Variants in TSNARE1 observed in about 807,000 individuals in gnomAD.
The protein encoded by TSNARE1 is t-SNARE domain-containing protein 1.
In TSNARE1, 49 loss-of-function variants were observed where a neutral mutation model predicts 62.0. The ratio of observed to expected loss-of-function variants is 0.79; its 90% CI spans 0.63 to 1.00. The LOEUF is 1.00. Among genes scored for constraint, TSNARE1 ranks in the 50% least tolerant of loss-of-function variants. The pLI is 0.00. For synonymous variants in TSNARE1, 328 were observed against 294.4 expected (o/e 1.11, Z -1.17); for missense variants, 755 against 700.1 (o/e 1.08, Z -0.88).
Position 142,344,115 on chromosome 8 carries a change from A to T in TSNARE1, c.596T>A (p.Leu199Gln), listed in dbSNP as rs373430388. ...ATGGGCCGCCTTCCGGAGGTCGCCC[A>T]GCTTGCGCCGCACGACGGCTCGTAG... ...RDLRAVVRRK[L>Q]GDLRKAAHGP... Residue 199 changes from leucine (L) to glutamine (Q), a missense_variant, in exon 4 of 14, where the codon CTG becomes CAG. Coordinates refer to ENST00000524325, the MANE Select transcript of TSNARE1 (RefSeq NM_145003.5). 2.1e-5 allele frequency: 34 copies of T among 1,611,704 alleles called. No homozygotes were observed. Among genetic ancestry groups the T allele is most frequent in the African/African-American group, 2.7e-5 (2 of 74,888 alleles).
intron 12 of TSNARE1, among the ~76,000 whole-genome samples, chr8:142,242,324 T>C (rs1237042474): frequency 2.6e-5 from 4 of 152,160 alleles, no homozygotes; most frequent in African/African-American, 2.4e-5. Flanking sequence ...GAAGAAAACA[T>C]AGGGAGAACT....
chr8:142,276,710 T>C (rs1449430643), intron 11 of TSNARE1: 22 of 985,286 alleles, frequency 2.2e-5, no homozygotes, highest in Non-Finnish European at 2.3e-5. Context: ...CACCTAGCCC[T>C]GGCCCTGGGG....
chr8:142,244,925 G>C (rs995362002), intron 12 of TSNARE1, among the ~76,000 whole-genome samples: 1 of 152,230 alleles, frequency 6.6e-6, no homozygotes, highest in African/African-American at 2.4e-5. Context: ...CTCAGAGAGT[G>C]TTGGCTTTGA....
chr8:142,305,521 C>T (rs959658637), intron 9 of TSNARE1, among the ~76,000 whole-genome samples: 10 of 152,242 alleles, frequency 6.6e-5, no homozygotes, highest in African/African-American at 1.9e-4. Context: ...CGCAGGTGCT[C>T]GGTCTCCCTC....
chr8:142,322,285 A>C (rs980946519), intron 6 of TSNARE1, among the ~76,000 whole-genome samples: 1 of 152,218 alleles, frequency 6.6e-6, no homozygotes, highest in Non-Finnish European at 1.5e-5. Flanking sequence ...TGATACAGAG[A>C]GGCTGTTAAA....
chr8:142,343,815 GGA>G, intron 4 of TSNARE1, 149 bp downstream of exon 4: 1 of 478,490 alleles, frequency 2.1e-6, no homozygotes, highest in Non-Finnish European at 3.3e-6. Context: ...GAGGAGGAGG[GGA>G]GAGGAGGAGG....
At chr8:142,351,293 T>TG (rs1432880579) in intron 2 of TSNARE1, among the ~76,000 whole-genome samples, 2 of 152,236 alleles carry the variant, frequency 1.3e-5, no homozygotes, top group East Asian at 3.8e-4. Context: ...ATCTGGACTT[T>TG]GTTCTTAGAA....
chr8:142,215,363 A>T (rs965351614), intron 13 of TSNARE1, among the ~76,000 whole-genome samples: 2 of 152,134 alleles, frequency 1.3e-5, no homozygotes, highest in African/African-American at 2.4e-5. Context: ...GTGTCAGTGG[A>T]CAGGGTCTAA....
intron 1 of TSNARE1, among the ~76,000 whole-genome samples, chr8:142,361,893 AC>A (rs1835191955): frequency 6.6e-6 from 1 of 152,190 alleles, no homozygotes; most frequent in African/African-American, 2.4e-5. Context: ...GCCGCGCCCC[AC>A]CACAGGGAGA....
intron 12 of TSNARE1, among the ~76,000 whole-genome samples, chr8:142,254,692 G>A (rs1262961002): frequency 2.0e-5 from 3 of 152,196 alleles, no homozygotes; most frequent in East Asian, 1.9e-4. Flanking sequence ...GCCTGGACTC[G>A]AACCCTGGCC....
intron 10 of TSNARE1, among the ~76,000 whole-genome samples, chr8:142,290,574 C>T (rs1421077918): frequency 6.6e-6 from 1 of 152,232 alleles, no homozygotes; most frequent in East Asian, 1.9e-4. Context: ...CTCTATCACA[C>T]CATCTCTTCT....
intron 11 of TSNARE1, chr8:142,278,777 A>G: frequency 1.0e-6 from 1 of 985,394 alleles, no homozygotes; most frequent in South Asian, 4.7e-5. Context: ...GTCACCGGAC[A>G]GCACCACGTG....
chr8:142,295,820 A>G (rs566016756), intron 10 of TSNARE1, among the ~76,000 whole-genome samples: 1 of 151,328 alleles, frequency 6.6e-6, no homozygotes, highest in East Asian at 2.0e-4. Context: ...CTGCACCTCC[A>G]ACCCCCTGCA....
chr8:142,282,027 C>T (rs961848379), intron 11 of TSNARE1, among the ~76,000 whole-genome samples: 8 of 152,220 alleles, frequency 5.3e-5, no homozygotes, highest in Non-Finnish European at 1.2e-4. Flanking sequence ...TAAGGTAGGA[C>T]CTGACTCTAG....
chr8:142,349,155 G>A (rs866082502), intron 2 of TSNARE1, among the ~76,000 whole-genome samples: 6 of 152,180 alleles, frequency 3.9e-5, no homozygotes, highest in African/African-American at 7.2e-5. Flanking sequence ...TCAACAAACC[G>A]GGACAACACT....
intron 9 of TSNARE1, 122 bp from the exon 10 acceptor site, chr8:142,300,766 C>T (rs900002917): frequency 1.8e-5 from 23 of 1,281,618 alleles, no homozygotes; most frequent in South Asian, 4.4e-5. Context: ...TCTGAGGGGA[C>T]GATCTGGGTC....
At chr8:142,251,449 G>A (rs539471081) in intron 12 of TSNARE1, among the ~76,000 whole-genome samples, 163 of 151,246 alleles carry the variant, frequency 1.1e-3, no homozygotes, top group African/African-American at 3.5e-3. Context: ...GCAGCATCCC[G>A]ACACCTCCCA....
At chr8:142,357,580 C>A in intron 1 of TSNARE1, among the ~76,000 whole-genome samples, 1 of 152,100 alleles carries the variant, frequency 6.6e-6, no homozygotes, top group East Asian at 1.9e-4. Context: ...GGGATTGGCA[C>A]GGAACCCAGG....
intron 1 of TSNARE1, among the ~76,000 whole-genome samples, chr8:142,356,886 G>A (rs1834783392): frequency 6.6e-6 from 1 of 152,054 alleles, no homozygotes; most frequent in African/African-American, 2.4e-5. Flanking sequence ...GCCCTCAAAG[G>A]AACGAGCTCA....
Sources: allele counts gnomAD v4.1 joint callset (sites outside exome capture counted in the v4.1 genomes callset), GRCh38; gene constraint gnomAD v4.1.1; transcripts MANE v1.5; gene names NCBI Gene and HGNC (gene_info 2026-07-23, HGNC 2026-07-21).